The following PDE1A variants were observed in gnomAD, a reference collection of about 807,000 sequenced individuals.
The protein encoded by PDE1A is dual specificity calcium/calmodulin-dependent 3',5'-cyclic nucleotide phosphodiesterase 1A.
In PDE1A, 35 loss-of-function variants were observed where a neutral mutation model predicts 61.7. That is an observed-to-expected ratio of 0.57 (90% CI 0.43 to 0.75). The LOEUF is 0.75. Among genes scored for constraint, PDE1A ranks in the 30% least tolerant of loss-of-function variants. The pLI is 0.00. For missense variants in PDE1A, 597 were observed against 630.6 expected (o/e 0.95, Z 0.57); for synonymous variants, 232 against 213.2 (o/e 1.09, Z -0.77).
the PDE1A span, among the ~76,000 whole-genome samples, chr2:182,626,764 T>C: frequency 6.9e-5 from 2 of 29,062 alleles, 1 homozygote; most frequent in Non-Finnish European, 1.1e-4. Context: ...TATATATACA[T>C]ATATATACAT....
chr2:182,627,093 T>TTATTTATATATAAAATATAAATGATA, the PDE1A span, among the ~76,000 whole-genome samples: 1 of 44,172 alleles, frequency 2.3e-5, no homozygotes, highest in South Asian at 7.9e-4. Flanking sequence ...AAATGATATA[T>TTATTTATATATAAAATATAAATGATA]TATGTATATA....
chr2:182,553,301 C>A, the PDE1A span, among the ~76,000 whole-genome samples: 1 of 152,276 alleles, frequency 6.6e-6, no homozygotes, highest in African/African-American at 2.4e-5. Context: ...AAGGACCCCC[C>A]AGTAACACAA....
At chr2:182,349,780 G>C (rs2577651) in intron 1 of PDE1A, among the ~76,000 whole-genome samples, 151,556 of 152,328 alleles carry the variant, frequency 0.99, 75,399 homozygotes, top group Middle Eastern at 1. Flanking sequence ...AAAAACAAAA[G>C]CACACAAACA....
chr2:182,310,646 C>A (rs1461898084), intron 1 of PDE1A, among the ~76,000 whole-genome samples: 1 of 152,072 alleles, frequency 6.6e-6, no homozygotes, highest in Non-Finnish European at 1.5e-5. Flanking sequence ...CATTTAATGT[C>A]CTCCTTTAAT....
intron 3 of PDE1A, among the ~76,000 whole-genome samples, chr2:182,238,266 CAA>C (rs3063250): frequency 3.8e-4 from 37 of 98,002 alleles, no homozygotes; most frequent in Middle Eastern, 5.0e-3. Context: ...CAGACTACGT[CAA>C]AAAAAAAAAA....
chr2:182,159,653 A>G (rs1383094167), intron 13 of PDE1A, among the ~76,000 whole-genome samples: 1 of 152,200 alleles, frequency 6.6e-6, no homozygotes, highest in Admixed American at 6.5e-5. Flanking sequence ...CTCAAGGAAC[A>G]TATGTGAGCT....
the PDE1A span, among the ~76,000 whole-genome samples, chr2:182,699,139 A>T: frequency 6.6e-6 from 1 of 152,202 alleles, no homozygotes; most frequent in Admixed American, 6.5e-5. Context: ...CCAAGGTAAA[A>T]AGGGATAGGT....
chr2:182,449,695 C>G lies in PDE1A; in HGVS notation c.101+72581G>C, dbSNP rs1163266654. Among the ~76,000 whole-genome samples, 4 of 151,942 alleles carry G rather than the reference C, an allele frequency of 2.6e-5. No individual in the cohort carries two copies. In the East Asian group the frequency reaches 7.7e-4, roughly 29 times the overall value. On this transcript the variant is annotated intron_variant, in intron 2 of 14. Transcript: ENST00000410103. ...TATAATTCTACTAAATCATAAAGTC[C>G]TAGTATTCATAAAATCAGATGTGAA...
intron 2 of PDE1A, among the ~76,000 whole-genome samples, chr2:182,499,180 T>TTTTTTG (rs1553633033): frequency 7.2e-4 from 86 of 118,722 alleles, no homozygotes; most frequent in African/African-American, 3.0e-3. Flanking sequence ...CTTGTTTTTT[T>TTTTTTG]TTTTTTTTTT....
At chr2:182,670,617 C>T in the PDE1A span, among the ~76,000 whole-genome samples, 65 of 152,194 alleles carry the variant, frequency 4.3e-4, no homozygotes, top group Admixed American at 9.8e-4. Flanking sequence ...GTGATGGGTG[C>T]CGAAGCCTCT....
chr2:182,284,763 A>G (rs1333370116), intron 1 of PDE1A, among the ~76,000 whole-genome samples: 5 of 152,134 alleles, frequency 3.3e-5, no homozygotes, highest in African/African-American at 1.2e-4. Flanking sequence ...TCAATATAGG[A>G]TCATGTTGAA....
intron 1 of PDE1A, among the ~76,000 whole-genome samples, chr2:182,348,054 A>G (rs1249463859): frequency 6.6e-6 from 1 of 152,188 alleles, no homozygotes; most frequent in Non-Finnish European, 1.5e-5. Context: ...AGACTATTGC[A>G]CTTAAACTCA....
the PDE1A span, among the ~76,000 whole-genome samples, chr2:182,655,912 A>C: frequency 6.6e-6 from 1 of 152,176 alleles, no homozygotes; most frequent in Non-Finnish European, 1.5e-5. Flanking sequence ...TTCCAGTCCC[A>C]ATCTATTCTC....
the PDE1A span, among the ~76,000 whole-genome samples, chr2:182,713,689 T>G: frequency 4.6e-5 from 7 of 152,168 alleles, no homozygotes; most frequent in African/African-American, 1.7e-4. Context: ...CCATCTGTGC[T>G]CTTGACTCCA....
the PDE1A span, among the ~76,000 whole-genome samples, chr2:182,679,185 A>ATTTT: frequency 1.4e-5 from 2 of 140,970 alleles, no homozygotes; most frequent in African/African-American, 2.8e-5. Flanking sequence ...TATTATTATT[A>ATTTT]TTATTATTTT....
At chr2:182,475,724 T>C (rs932065792) in intron 2 of PDE1A, among the ~76,000 whole-genome samples, 1 of 151,944 alleles carries the variant, frequency 6.6e-6, no homozygotes, top group South Asian at 2.1e-4. Context: ...GAAGTTAATA[T>C]ACAACTTCAT....
chr2:182,662,980 A>AC, the PDE1A span, among the ~76,000 whole-genome samples: 1 of 152,172 alleles, frequency 6.6e-6, no homozygotes, highest in Non-Finnish European at 1.5e-5. Context: ...AAACAAATTG[A>AC]CAAGAGAAAA....
intron 7 of PDE1A, among the ~76,000 whole-genome samples, chr2:182,221,678 A>C (rs777467279): frequency 3.3e-5 from 5 of 151,966 alleles, no homozygotes; most frequent in Admixed American, 6.6e-5. Flanking sequence ...GTCTCCATCA[A>C]GGGGCTACAA....
At chr2:182,384,362 T>C (rs763902746) in intron 1 of PDE1A, among the ~76,000 whole-genome samples, 6 of 151,718 alleles carry the variant, frequency 4.0e-5, no homozygotes, top group Middle Eastern at 3.4e-3. Context: ...AAAATAACCA[T>C]TTAAGTAGGC....
Sources: allele counts gnomAD v4.1 joint callset (sites outside exome capture counted in the v4.1 genomes callset), GRCh38; gene constraint gnomAD v4.1.1; transcripts MANE v1.5; gene names NCBI Gene and HGNC (gene_info 2026-07-23, HGNC 2026-07-21).